GRM5: variants seen among roughly 807,000 people sequenced by gnomAD.
GRM5 encodes the protein glutamate metabotropic receptor 5, also known as metabotropic glutamate receptor 5.
GRM5 carries 19 observed loss-of-function variants against 83.1 expected under a neutral mutation model. That is an observed-to-expected ratio of 0.23 (90% confidence interval 0.16 to 0.34). The LOEUF (loss-of-function observed/expected upper bound fraction) is 0.34. GRM5 is among the 10% of genes least tolerant of loss of function. GRM5 has a pLI of 1.00. For missense variants in GRM5, 1,160 were observed against 1,588.3 expected, an observed-to-expected ratio of 0.73 and a Z score of 4.58; for synonymous variants, 675 against 633.6, an observed-to-expected ratio of 1.07 and a Z score of -0.98.
intron 3 of GRM5, among the ~76,000 whole-genome samples, chr11:88,772,192 G>C (rs1942751695): frequency 6.6e-6 from 1 of 151,830 alleles, no homozygotes; most frequent in Non-Finnish European, 1.5e-5. Flanking sequence ...ATTGCTCTTA[G>C]TTTAAATTCA....
chr11:88,690,310 T>C (rs908429741), intron 3 of GRM5, among the ~76,000 whole-genome samples: 3 of 152,156 alleles, frequency 2.0e-5, no homozygotes, highest in Non-Finnish European at 4.4e-5. Flanking sequence ...ATTGTCCACA[T>C]TTTGTTTTTG....
chr11:88,645,838 G>A (rs558444242), intron 4 of GRM5, among the ~76,000 whole-genome samples: 1 of 152,148 alleles, frequency 6.6e-6, no homozygotes, highest in Admixed American at 6.6e-5. Flanking sequence ...AGTATAAAAT[G>A]GTGTAACAAT....
At chr11:88,863,920 T>C (rs1027591376) in intron 2 of GRM5, among the ~76,000 whole-genome samples, 2 of 151,634 alleles carry the variant, frequency 1.3e-5, no homozygotes, top group Non-Finnish European at 2.9e-5. Context: ...CTCCATGACT[T>C]TGAAGGGACC....
intron 2 of GRM5, among the ~76,000 whole-genome samples, chr11:89,043,684 A>C (rs35088435): frequency 0.013 from 1,943 of 152,140 alleles, 56 homozygotes; most frequent in Admixed American, 0.069. Context: ...TCCATCCTGA[A>C]GGCATTTTTT....
chr11:88,860,670 T>C (rs1255970261), intron 2 of GRM5, among the ~76,000 whole-genome samples: 3 of 152,188 alleles, frequency 2.0e-5, no homozygotes, highest in Non-Finnish European at 4.4e-5. Context: ...CTGTGCTGTC[T>C]GGGTTCTGTT....
At position 88,508,867 on chromosome 11, in the gene GRM5, C is replaced by G. The variant is rs764586864; in HGVS notation, c.3364G>C (p.Glu1122Gln). ...FAEIQPLPAI[E>Q]VTGGAQPAAG... Reference sequence around the variant, plus strand: ...GCGGGCTGCGCGCCTCCCGTGACTTCGATGGCCGGCAGAGGCTGGATTTCG... The same window carrying G: ...GCGGGCTGCGCGCCTCCCGTGACTTGGATGGCCGGCAGAGGCTGGATTTCG... The change falls in exon 10 of 10, where the codon GAA becomes CAA. Residue 1122 changes from glutamate (E) to glutamine (Q), a missense_variant. By Grantham distance (29) the Glu-to-Gln change is conservative. Coordinates refer to ENST00000305447, the MANE Select transcript of GRM5 (RefSeq NM_001143831.3). This position sits in a 1 kb window ranked among gnomAD's most constrained non-coding sequence, Gnocchi z 4.2. The G allele has an allele frequency of 1.1e-5, 18 of 1,583,770 alleles. No homozygotes were observed. The highest frequency in any genetic ancestry group is 1.5e-5 in the Non-Finnish European group (18 of 1,166,562).
At chr11:88,545,832 T>C (rs1942375988) in intron 8 of GRM5, among the ~76,000 whole-genome samples, 1 of 152,126 alleles carries the variant, frequency 6.6e-6, no homozygotes, top group Admixed American at 6.6e-5. Flanking sequence ...TCTTATGATG[T>C]AACTCCTCTT....
chr11:88,841,618 T>C (rs1944203784), intron 3 of GRM5, among the ~76,000 whole-genome samples: 1 of 152,190 alleles, frequency 6.6e-6, no homozygotes, highest in Non-Finnish European at 1.5e-5. Flanking sequence ...GTTATGTTGG[T>C]CTTTCCTTAT....
At chr11:88,982,532 T>C (rs1591017823) in intron 2 of GRM5, among the ~76,000 whole-genome samples, 1 of 152,286 alleles carries the variant, frequency 6.6e-6, no homozygotes, top group Middle Eastern at 3.4e-3. Flanking sequence ...TAATACTAAA[T>C]TATTTATGAG....
chr11:89,017,704 G>GCTT (rs1310167969), intron 2 of GRM5, among the ~76,000 whole-genome samples: 1 of 152,142 alleles, frequency 6.6e-6, no homozygotes, highest in Admixed American at 6.5e-5. Flanking sequence ...AACACAATAT[G>GCTT]CTTCTTCTCA....
At chr11:88,981,316 G>A (rs957779622) in intron 2 of GRM5, among the ~76,000 whole-genome samples, 2 of 152,070 alleles carry the variant, frequency 1.3e-5, no homozygotes, top group East Asian at 1.9e-4. Context: ...AATTTATCTA[G>A]TGTTACATAT....
intron 5 of GRM5, among the ~76,000 whole-genome samples, chr11:88,599,784 C>T (rs888615642): frequency 2.0e-5 from 3 of 152,030 alleles, no homozygotes; most frequent in Non-Finnish European, 4.4e-5. Context: ...GAGGCTGAGG[C>T]GGGCAGATCA....
intron 3 of GRM5, among the ~76,000 whole-genome samples, chr11:88,720,425 C>G (rs1941506607): frequency 6.6e-6 from 1 of 152,048 alleles, no homozygotes; most frequent in South Asian, 2.1e-4. Flanking sequence ...AGGCCACTCT[C>G]AGCCTCTGGT....
chr11:88,930,479 C>T (rs926099409), intron 2 of GRM5, among the ~76,000 whole-genome samples: 5 of 152,050 alleles, frequency 3.3e-5, no homozygotes, highest in Admixed American at 3.3e-4. Context: ...AGGAAAGCAA[C>T]TTTTATCATG....
intron 2 of GRM5, among the ~76,000 whole-genome samples, chr11:88,940,809 T>C (rs1938065027): frequency 6.6e-6 from 1 of 152,084 alleles, no homozygotes; most frequent in Admixed American, 6.6e-5. Context: ...AACGTACATA[T>C]TTTGATAAAT....
At chr11:88,577,355 C>G (rs763380943) in intron 7 of GRM5, among the ~76,000 whole-genome samples, 1 of 152,082 alleles carries the variant, frequency 6.6e-6, no homozygotes, top group Non-Finnish European at 1.5e-5. Flanking sequence ...AAAGTGCACA[C>G]ATGTAAGAAA....
intron 8 of GRM5, among the ~76,000 whole-genome samples, chr11:88,551,115 T>C (rs1409392459): frequency 2.6e-5 from 4 of 152,264 alleles, no homozygotes; most frequent in Non-Finnish European, 5.9e-5. Flanking sequence ...ATTTATAAAA[T>C]GGGAATAGTA....
At chr11:88,928,907 T>TATATATATATATACACAC (rs369951090) in intron 2 of GRM5, among the ~76,000 whole-genome samples, 5 of 138,674 alleles carry the variant, frequency 3.6e-5, no homozygotes, top group African/African-American at 8.4e-5. Flanking sequence ...TATGTGTATA[T>TATATATATATATACACAC]ACACACACAC....
intron 3 of GRM5, among the ~76,000 whole-genome samples, chr11:88,659,233 G>A (rs1338556296): frequency 6.6e-6 from 1 of 152,186 alleles, no homozygotes; most frequent in East Asian, 1.9e-4. Flanking sequence ...AGGCTGGACA[G>A]TATTGGAAAA....
Sources: gnomAD v4.1 joint callset for allele counts (sites outside exome capture counted in the v4.1 genomes callset) on GRCh38, gnomAD v4.1.1 for gene constraint, Gnocchi (gnomAD v3.1) non-coding constraint, MANE v1.5 for transcripts, NCBI Gene and HGNC (gene_info 2026-07-23, HGNC 2026-07-21) for gene names.